The following SLIT3 variants were observed in gnomAD, a reference collection of about 807,000 sequenced individuals.
The protein encoded by SLIT3 is slit homolog 3 protein.
A neutral mutation model predicts 184.0 loss-of-function variants in SLIT3; 68 were observed. The ratio of observed to expected loss-of-function variants is 0.37; its 90% CI spans 0.30 to 0.45. The LOEUF (loss-of-function observed/expected upper bound fraction) is 0.45, where lower values mean the gene tolerates loss of function less well. Among genes scored for constraint, SLIT3 ranks in the 20% least tolerant of loss-of-function variants. The pLI is 1.00. For synonymous variants in SLIT3, 831 were observed against 828.6 expected (o/e 1.00, Z -0.05); for missense variants, 1,707 against 2,026.0 (o/e 0.84, Z 3.02).
intron 4 of SLIT3, among the ~76,000 whole-genome samples, chr5:168,972,792 A>C (rs1490003687): frequency 3.9e-5 from 6 of 152,102 alleles, no homozygotes; most frequent in African/African-American, 1.4e-4. Context: ...ATTGGGTGTG[A>C]GAAGCATGTA....
intron 9 of SLIT3, among the ~76,000 whole-genome samples, chr5:168,800,518 C>A (rs13174632): frequency 0.14 from 20,527 of 152,022 alleles, 1,699 homozygotes; most frequent in East Asian, 0.29. Context: ...ACCTGGGAGG[C>A]GGAGGTTGCA....
intron 9 of SLIT3, among the ~76,000 whole-genome samples, chr5:168,797,898 T>C (rs1756622661): frequency 6.6e-6 from 1 of 152,066 alleles, no homozygotes; most frequent in African/African-American, 2.4e-5. Flanking sequence ...CCTCTATATA[T>C]TTGTGAAAAT....
At chr5:168,804,310 CAAAAAAAA>C (rs770650322) in intron 9 of SLIT3, among the ~76,000 whole-genome samples, 16 of 52,372 alleles carry the variant, frequency 3.1e-4, no homozygotes, top group African/African-American at 1.0e-3. Flanking sequence ...AACTCTTTCT[CAAAAAAAA>C]AAAAAAAAAA....
intron 4 of SLIT3, among the ~76,000 whole-genome samples, chr5:169,134,243 T>C (rs1761414896): frequency 6.6e-6 from 1 of 152,108 alleles, no homozygotes; most frequent in Middle Eastern, 3.2e-3. Flanking sequence ...TCTCAATGGC[T>C]ACTCACTGAG....
At chr5:168,800,954 G>GTGCAGTGTGCTCACT (rs59964510) in intron 9 of SLIT3, among the ~76,000 whole-genome samples, 24,660 of 152,168 alleles carry the variant, frequency 0.16, 2,136 homozygotes, top group East Asian at 0.29. Context: ...CTTCCAAACA[G>GTGCAGTGTGCTCACT]TTCTCCATGT....
In SLIT3 at chr5:169,188,991, C is replaced by T. The variant is rs112778170; in HGVS notation, c.413+4488G>A. Among the ~76,000 whole-genome samples, 1,194 of 152,240 alleles carry T rather than the reference C, an allele frequency of 7.8e-3. 19 individuals carry two copies. The highest frequency in any genetic ancestry group is 0.027 in the African/African-American group (1,134 of 41,542). On this transcript the variant is annotated intron_variant, in intron 4 of 35. Coordinates refer to ENST00000519560, the MANE Select transcript of SLIT3 (RefSeq NM_003062.4). Reference sequence around the variant, plus strand: ...AGTCTCCACACTTGACCATGATCTACGTCAGGATGGCAGGGGACAAATATT... The same window carrying T: ...AGTCTCCACACTTGACCATGATCTATGTCAGGATGGCAGGGGACAAATATT...
At chr5:168,671,852 C>G (rs1368802603) in intron 33 of SLIT3, among the ~76,000 whole-genome samples, 1 of 152,152 alleles carries the variant, frequency 6.6e-6, no homozygotes, top group African/African-American at 2.4e-5. Flanking sequence ...AAATAACCTG[C>G]TGTCCCCACC....
At chr5:169,181,719 C>T (rs1210355827) in intron 4 of SLIT3, among the ~76,000 whole-genome samples, 2 of 143,216 alleles carry the variant, frequency 1.4e-5, no homozygotes, top group Admixed American at 7.1e-5. Flanking sequence ...TCCAGCCTGG[C>T]GACAGAGCGA....
chr5:169,214,048 TC>T (rs1764356147), intron 3 of SLIT3, among the ~76,000 whole-genome samples: 1 of 152,206 alleles, frequency 6.6e-6, no homozygotes, highest in Non-Finnish European at 1.5e-5. Flanking sequence ...GGAGAGTCTG[TC>T]ATTTACTACT....
intron 28 of SLIT3, among the ~76,000 whole-genome samples, chr5:168,694,947 C>T (rs1353898950): frequency 6.6e-6 from 1 of 152,204 alleles, no homozygotes; most frequent in Admixed American, 6.5e-5. Flanking sequence ...CACTTTCTCC[C>T]AGCACAGAAG....
chr5:168,700,562 G>C lies in SLIT3; in HGVS notation c.2942+20C>G. ...GAGAGCAAACTAATACAGTGAGGGA[G>C]GCCAGGGGTGAACTGTTACCTGAAC... On this transcript the variant is annotated intron_variant, in intron 27 of 35. Coordinates refer to ENST00000519560, the MANE Select transcript of SLIT3 (RefSeq NM_003062.4). The C allele has an allele frequency of 1.3e-6, 2 of 1,561,062 alleles. No homozygotes were observed. Among genetic ancestry groups the C allele is most frequent in the African/African-American group, 1.4e-5 (1 of 73,926 alleles).
intron 5 of SLIT3, among the ~76,000 whole-genome samples, chr5:168,877,032 C>T (rs1759756144): frequency 6.6e-6 from 1 of 152,192 alleles, no homozygotes; most frequent in Admixed American, 6.5e-5. Flanking sequence ...CATTTCTAGT[C>T]CACTTTACTC....
chr5:169,182,264 C>T (rs1035686435), intron 4 of SLIT3, among the ~76,000 whole-genome samples: 2 of 152,212 alleles, frequency 1.3e-5, no homozygotes, highest in Non-Finnish European at 2.9e-5. Flanking sequence ...TCAGGTCCAG[C>T]TCACCAAATT....
intron 4 of SLIT3, among the ~76,000 whole-genome samples, chr5:168,978,913 CA>C (rs1343918412): frequency 5.8e-5 from 1 of 17,256 alleles, no homozygotes; most frequent in Non-Finnish European, 1.1e-4. Flanking sequence ...GAGCTCATTT[CA>C]GGGGGGTGTA....
At chr5:169,087,960 G>A (rs184163320) in intron 4 of SLIT3, among the ~76,000 whole-genome samples, 12 of 152,224 alleles carry the variant, frequency 7.9e-5, no homozygotes, top group South Asian at 2.1e-4. Context: ...ACTTTCCTCC[G>A]TTCTCTTTAT....
At chr5:168,770,890 C>A (rs1035454241) in intron 14 of SLIT3, among the ~76,000 whole-genome samples, 5 of 151,756 alleles carry the variant, frequency 3.3e-5, no homozygotes, top group African/African-American at 1.2e-4. Context: ...TATAGCCCCA[C>A]CCCCACCTTG....
At chr5:169,097,872 C>T (rs186248685) in intron 4 of SLIT3, among the ~76,000 whole-genome samples, 259 of 152,284 alleles carry the variant, frequency 1.7e-3, no homozygotes, top group Non-Finnish European at 2.7e-3. Context: ...TTTTCCAGTC[C>T]GTTTCATGCC....
At chr5:169,014,037 G>GGTCTGCCTGCCTGGTATTAGT (rs1449120972) in intron 4 of SLIT3, among the ~76,000 whole-genome samples, 1 of 152,070 alleles carries the variant, frequency 6.6e-6, no homozygotes, top group Non-Finnish European at 1.5e-5. Flanking sequence ...AAAACTTTGA[G>GGTCTGCCTGCCTGGTATTAGT]GTCTGCCTGC....
At chr5:169,076,951 C>T (rs1422500335) in intron 4 of SLIT3, among the ~76,000 whole-genome samples, 5 of 152,100 alleles carry the variant, frequency 3.3e-5, no homozygotes, top group African/African-American at 7.2e-5. Flanking sequence ...CATACACACA[C>T]GCACACACAC....
Sources: gnomAD v4.1 joint callset for allele counts (sites outside exome capture counted in the v4.1 genomes callset) on GRCh38, gnomAD v4.1.1 for gene constraint, MANE v1.5 for transcripts, NCBI Gene and HGNC (gene_info 2026-07-23, HGNC 2026-07-21) for gene names.